Variants in SPTAN1 observed in about 807,000 individuals in gnomAD.
SPTAN1 encodes the protein spectrin alpha, non-erythrocytic 1, also known as spectrin alpha chain, non-erythrocytic 1.
A neutral mutation model predicts 331.3 loss-of-function variants in SPTAN1; 61 were observed. The ratio of observed to expected loss-of-function variants is 0.18; its 90% CI spans 0.15 to 0.23. The LOEUF (loss-of-function observed/expected upper bound fraction) is 0.23. Ranked by LOEUF, SPTAN1 falls within the 10% of genes least tolerant of loss-of-function variation. The probability of loss-of-function intolerance (pLI) is 1.00; values close to 1 mark genes in which losing one functional copy is unlikely to be tolerated. For synonymous variants in SPTAN1, 1,153 were observed against 1,173.9 expected (o/e 0.98, Z 0.36); for missense variants, 2,043 against 3,147.9 (o/e 0.65, Z 8.40).
intron 1 of SPTAN1, among the ~76,000 whole-genome samples, chr9:128,559,603 A>G (rs1234213058): frequency 6.6e-6 from 1 of 152,178 alleles, no homozygotes; most frequent in Admixed American, 6.5e-5. Context: ...TTTGGAAGCA[A>G]ACAAATTAGA....
chr9:128,632,716 C>T lies in SPTAN1; in HGVS notation c.7158C>T (p.Asn2386=). 2 of 1,614,008 alleles carry T rather than the reference C, an allele frequency of 1.2e-6. No homozygotes were observed. Among genetic ancestry groups the T allele is most frequent in the Non-Finnish European group, 1.7e-6 (2 of 1,180,026 alleles). ...FEAILDTVDP[N]RDGHVSLQEY... is the part of the protein sequence containing the mutation. ...CAATCCTGGACACGGTGGATCCGAA[C>T]AGGTAAATTAATTAAGGCCAGGTGC... The change falls in exon 55 of 57, where the codon AAC becomes AAT. Residue 2386 remains asparagine, a splice_region_variant and synonymous_variant. Transcript: ENST00000372739.
At chr9:128,561,662 CAAAAAAAAAAAAAAAAAAAAAA>C (rs762156669) in intron 1 of SPTAN1, among the ~76,000 whole-genome samples, 193 of 15,994 alleles carry the variant, frequency 0.012, 3 homozygotes, top group South Asian at 0.034. Flanking sequence ...GACTCCGTCT[CAAAAAAAAAAAAAAAAAAAAAA>C]AAAAGAATAT....
intron 1 of SPTAN1, among the ~76,000 whole-genome samples, chr9:128,557,965 G>A (rs536046545): frequency 1.3e-4 from 19 of 151,696 alleles, no homozygotes; most frequent in African/African-American, 3.9e-4. Context: ...CACCACGCCC[G>A]GCTAATTTTT....
At position 128,583,131 on chromosome 9, in the gene SPTAN1, C is replaced by G. The variant is rs139880239; in HGVS notation, c.1861C>G (p.Leu621Val). ...GAAGCATCAGGCTTTTGAGGCTGAG[C>G]TCTCAGCAAACCAGAGCCGAATTGA... ...VQKHQAFEAE[L>V]SANQSRIDAL... Residue 621 changes from leucine to valine, a missense_variant, in exon 15 of 57, where the codon CTC (leucine) becomes GTC (valine). Transcript: ENST00000372739. 6.2e-7 allele frequency: 1 copy of G among 1,614,060 alleles called. No homozygotes were observed. Among genetic ancestry groups the G allele is most frequent in the Non-Finnish European group, 8.5e-7 (1 of 1,180,044 alleles).
chr9:128,599,190 A>G, intron 26 of SPTAN1: 4 of 619,294 alleles, frequency 6.5e-6, no homozygotes, highest in South Asian at 5.1e-5. Flanking sequence ...GCTGGAGTGC[A>G]GTGGTGTGAT....
intron 9 of SPTAN1, 83 bp downstream of exon 9, chr9:128,578,328 G>T: frequency 6.4e-7 from 1 of 1,558,730 alleles, no homozygotes. Flanking sequence ...GAGGCCTATA[G>T]TCGGCGTTGG....
At chr9:128,564,736 A>T (rs559517959) in intron 1 of SPTAN1, among the ~76,000 whole-genome samples, 1 of 152,304 alleles carries the variant, frequency 6.6e-6, no homozygotes, top group Non-Finnish European at 1.5e-5. Context: ...CAGTTTAGTA[A>T]AGAGTCAGGA....
intron 21 of SPTAN1, among the ~76,000 whole-genome samples, 190 bp from the exon 22 acceptor site, chr9:128,591,287 C>T (rs1431497749): frequency 1.3e-5 from 2 of 151,830 alleles, no homozygotes; most frequent in Non-Finnish European, 2.9e-5. Context: ...AGGATGGTCT[C>T]CATCTCCTGA....
Position 128,589,273 on chromosome 9 carries a change from TTTTTTC to T in SPTAN1, c.3006+341_3006+346del, listed in dbSNP as rs1339715488. 3.3e-5 allele frequency among the ~76,000 whole-genome samples: 5 copies of T among 150,400 alleles called. No individual in the cohort carries two copies. In the East Asian group the frequency reaches 9.9e-4, roughly 30 times the overall value. Reference sequence around the variant, plus strand: ...TATAACTTGGACCTGTTGGTTCTTTTTTTTTCTTTTTCTTTTCTTTTTTTTTTTTTT... The same window carrying T: ...TATAACTTGGACCTGTTGGTTCTTTTTTTTTCTTTTCTTTTTTTTTTTTTT... On this transcript the variant is annotated intron_variant, in intron 21 of 56. Transcript: ENST00000372739.
In SPTAN1 at chr9:128,577,886, T is replaced by TG. The variant is rs11464671; in HGVS notation, c.1086-220dup. On this transcript the variant is annotated intron_variant, in intron 8 of 56. Transcript: ENST00000372739. The surrounding 1 kb of genome is among the most constrained non-coding windows in gnomAD (Gnocchi z 4.2). ...GGAAGTTGAAAATGTGGGACAGGAT[T>TG]GGGGCATTATAGTGATGGAGAGAAC... is the stretch of plus-strand genomic sequence containing the variant. Among the ~76,000 whole-genome samples, 118,986 of 152,050 alleles carry TG rather than the reference T, an allele frequency of 0.78. 48,161 individuals are homozygous for TG. The highest frequency in any genetic ancestry group is 0.9 in the Non-Finnish European group (61,295 of 68,004).
intron 1 of SPTAN1, among the ~76,000 whole-genome samples, chr9:128,558,075 T>G (rs778430625): frequency 2.6e-5 from 4 of 152,216 alleles, no homozygotes; most frequent in Non-Finnish European, 5.9e-5. Context: ...AGTGCTGGGA[T>G]TACAGGCGTG....
intron 3 of SPTAN1, among the ~76,000 whole-genome samples, chr9:128,572,650 T>C (rs1177992347): frequency 6.6e-6 from 1 of 152,162 alleles, no homozygotes; most frequent in Non-Finnish European, 1.5e-5. Context: ...ATTTATTTGG[T>C]CCCCTAACTC....
rs540752828 is a variant in SPTAN1, at chr9:128,561,466, A to G, written c.-3-5272A>G. ...ATCACGAGGTCAAGAGATCGAGACC[A>G]TCCTGGCTAATATGGTGAAACCCCA... On this transcript the variant is annotated intron_variant, in intron 1 of 56. Transcript: ENST00000372739. Among the ~76,000 whole-genome samples, 270 of 151,104 alleles carry G rather than the reference A, an allele frequency of 1.8e-3. 1 individual carries two copies. Among genetic ancestry groups the G allele is most frequent in the African/African-American group, 5.5e-3 (225 of 41,172 alleles).
intron 27 of SPTAN1, among the ~76,000 whole-genome samples, chr9:128,603,072 AC>A (rs1855385095): frequency 6.6e-6 from 1 of 152,202 alleles, no homozygotes; most frequent in Non-Finnish European, 1.5e-5. Context: ...TTGCCCTTCA[AC>A]GGGGATACGG....
intron 25 of SPTAN1, 171 bp from the exon 26 acceptor site, chr9:128,598,792 A>G: frequency 1.5e-6 from 1 of 681,784 alleles, no homozygotes; most frequent in East Asian, 2.7e-5. Context: ...TAAGTTCCTC[A>G]AAGAAAAAGT....
At chr9:128,628,058 G>A (rs779758358) in intron 51 of SPTAN1, 116 bp downstream of exon 51, 8 of 1,273,330 alleles carry the variant, frequency 6.3e-6, no homozygotes, top group Non-Finnish European at 9.2e-6. Flanking sequence ...AGGGCGGGCT[G>A]CACTTCCCCT....
intron 28 of SPTAN1, 31 bp downstream of exon 28, chr9:128,603,621 C>T (rs368313840): frequency 3.7e-6 from 6 of 1,613,568 alleles, no homozygotes; most frequent in East Asian, 2.2e-5. Context: ...CCTCTGATCT[C>T]CCCTGGTTTT....
chr9:128,563,856 T>C (rs1265157855), intron 1 of SPTAN1, among the ~76,000 whole-genome samples: 1 of 152,028 alleles, frequency 6.6e-6, no homozygotes, highest in Non-Finnish European at 1.5e-5. Context: ...TAGGCTGTTC[T>C]CGAACTTCTG....
At position 128,622,897 on chromosome 9, in the gene SPTAN1, C is replaced by T. The variant is rs377222137; in HGVS notation, c.5833-1431C>T. Among the ~76,000 whole-genome samples the T allele has an allele frequency of 5.3e-5, 8 of 151,588 alleles. No individual in the cohort carries two copies. The South Asian group carries it at 1.5e-3, about 28-fold the overall frequency. On this transcript the variant is annotated intron_variant, in intron 45 of 56. Transcript: ENST00000372739. The stretch of plus-strand genomic sequence containing the variant: ...CCTCCTGAGTAGCTGGGGTTACAGG[C>T]GCCTGCCACCACGCCCAGCTAATTT...
Sources: gnomAD v4.1 joint callset for allele counts (sites outside exome capture counted in the v4.1 genomes callset) on GRCh38, gnomAD v4.1.1 for gene constraint, Gnocchi (gnomAD v3.1) non-coding constraint, MANE v1.5 for transcripts, NCBI Gene and HGNC (gene_info 2026-07-23, HGNC 2026-07-21) for gene names.